GRIK4: variants seen among roughly 807,000 people sequenced by gnomAD.
The protein encoded by GRIK4 is glutamate receptor ionotropic, kainate 4.
A neutral mutation model predicts 104.9 loss-of-function variants in GRIK4; 40 were observed. That is an observed-to-expected ratio of 0.38 (90% CI 0.30 to 0.50). The LOEUF is 0.50. Ranked by LOEUF, GRIK4 falls within the 20% of genes least tolerant of loss-of-function variation. The pLI is 0.93. For missense variants in GRIK4, 1,047 were observed against 1,308.1 expected, an observed-to-expected ratio of 0.80 and a Z score of 3.08; for synonymous variants, 485 against 524.9, an observed-to-expected ratio of 0.92 and a Z score of 1.04.
chr11:120,565,180 G>T (rs1480653693), intron 1 of GRIK4, among the ~76,000 whole-genome samples: 1 of 152,008 alleles, frequency 6.6e-6, no homozygotes, highest in Non-Finnish European at 1.5e-5. Context: ...CTGCCAGCGC[G>T]CCCAGCTGTC....
At chr11:120,827,391 G>C (rs902054054) in intron 6 of GRIK4, among the ~76,000 whole-genome samples, 1 of 152,170 alleles carries the variant, frequency 6.6e-6, no homozygotes, top group African/African-American at 2.4e-5. Context: ...GCTGCATCCT[G>C]AGCAAGGCTA....
chr11:120,790,946 G>C (rs1000184488), intron 3 of GRIK4, among the ~76,000 whole-genome samples: 1 of 152,178 alleles, frequency 6.6e-6, no homozygotes, highest in African/African-American at 2.4e-5. Flanking sequence ...TCAATAAAAA[G>C]ATAATGGGTT....
At chr11:120,612,499 C>CA (rs11333522) in intron 1 of GRIK4, among the ~76,000 whole-genome samples, 6,965 of 147,398 alleles carry the variant, frequency 0.047, 454 homozygotes, top group East Asian at 0.21. Context: ...ACTTTTGAGG[C>CA]AAAAAAAAAA....
chr11:120,653,410 G>A (rs1298224035), intron 1 of GRIK4, among the ~76,000 whole-genome samples: 1 of 152,222 alleles, frequency 6.6e-6, no homozygotes, highest in Non-Finnish European at 1.5e-5. Context: ...TGGTTAAGCA[G>A]AGGTGAGAAC....
At chr11:120,697,112 A>G (rs1950462306) in intron 3 of GRIK4, among the ~76,000 whole-genome samples, 1 of 151,924 alleles carries the variant, frequency 6.6e-6, no homozygotes, top group African/African-American at 2.4e-5. Context: ...TGACGGTATC[A>G]CTCCAGTTCC....
chr11:120,716,358 C>A (rs1032788180), intron 3 of GRIK4, among the ~76,000 whole-genome samples: 2 of 152,164 alleles, frequency 1.3e-5, no homozygotes, highest in Admixed American at 6.5e-5. Context: ...ATCCTCCCCC[C>A]TCAGCCTCCC....
chr11:120,801,971 A>G (rs908587667), intron 3 of GRIK4, among the ~76,000 whole-genome samples: 10 of 152,250 alleles, frequency 6.6e-5, no homozygotes, highest in Non-Finnish European at 1.5e-4. Flanking sequence ...CACTGCTCCC[A>G]GAAGTTGGGC....
intron 14 of GRIK4, among the ~76,000 whole-genome samples, chr11:120,947,921 G>A (rs542843565): frequency 6.6e-6 from 1 of 152,192 alleles, no homozygotes; most frequent in Non-Finnish European, 1.5e-5. Context: ...CAGCCAGTAA[G>A]TGAAAATAGA....
chr11:120,942,343 G>A (rs947844576), intron 14 of GRIK4, among the ~76,000 whole-genome samples: 3 of 152,164 alleles, frequency 2.0e-5, no homozygotes, highest in Non-Finnish European at 2.9e-5. Flanking sequence ...CACCATTTCT[G>A]GAGCTCCCCT....
At chr11:120,716,077 AG>A (rs1362512638) in intron 3 of GRIK4, among the ~76,000 whole-genome samples, 5 of 152,008 alleles carry the variant, frequency 3.3e-5, no homozygotes, top group African/African-American at 1.2e-4. Context: ...AAATGCAGGG[AG>A]GGTACGGAGC....
At chr11:120,741,523 C>T (rs1052378091) in intron 3 of GRIK4, among the ~76,000 whole-genome samples, 1 of 152,084 alleles carries the variant, frequency 6.6e-6, no homozygotes, top group African/African-American at 2.4e-5. Flanking sequence ...CGTGATCCGC[C>T]CGCCTCAGCC....
chr11:120,874,629 G>A (rs1954724061), intron 10 of GRIK4, among the ~76,000 whole-genome samples: 1 of 152,294 alleles, frequency 6.6e-6, no homozygotes, highest in Admixed American at 6.5e-5. Flanking sequence ...GTTTCCCATT[G>A]TTGTCCTCCC....
intron 8 of GRIK4, among the ~76,000 whole-genome samples, chr11:120,856,022 G>A (rs1451247628): frequency 6.6e-6 from 1 of 152,258 alleles, no homozygotes; most frequent in African/African-American, 2.4e-5. Flanking sequence ...AAAGGAAGGA[G>A]ATTGGGGCAG....
intron 1 of GRIK4, among the ~76,000 whole-genome samples, chr11:120,554,264 G>A (rs1462041301): frequency 1.3e-5 from 2 of 152,222 alleles, no homozygotes; most frequent in Non-Finnish European, 2.9e-5. Context: ...TGGCAGACAA[G>A]GTTTATGTTC....
intron 2 of GRIK4, among the ~76,000 whole-genome samples, chr11:120,654,025 A>G (rs751223516): frequency 1.3e-5 from 2 of 152,216 alleles, no homozygotes; most frequent in Non-Finnish European, 2.9e-5. Flanking sequence ...TCTGTCTTCC[A>G]AACTACCTAA....
At chr11:120,811,119 G>A (rs934249998) in intron 4 of GRIK4, among the ~76,000 whole-genome samples, 3 of 152,202 alleles carry the variant, frequency 2.0e-5, no homozygotes, top group Non-Finnish European at 4.4e-5. Context: ...TTCTAGGTGA[G>A]CTGGCATGCA....
Position 120,939,610 on chromosome 11 carries a change from A to G in GRIK4, c.1477-737A>G, listed in dbSNP as rs1274254469. 6.6e-6 allele frequency among the ~76,000 whole-genome samples: 1 copy of G among 152,232 alleles called. No homozygotes were observed. The highest frequency in any genetic ancestry group is 1.5e-5 in the Non-Finnish European group (1 of 68,034). On this transcript the variant is annotated intron_variant, in intron 13 of 20. Transcript: ENST00000527524. This position sits in a 1 kb window ranked among gnomAD's most constrained non-coding sequence, Gnocchi z 5.6. The stretch of plus-strand genomic sequence containing the variant: ...TTCCAGCATTTTTACTTTTCATTGT[A>G]GCCCCTTCAGCAAAGTTTCTTACAC...
chr11:120,694,524 CACCCCCCA>C (rs1950411104), intron 3 of GRIK4, among the ~76,000 whole-genome samples: 1 of 152,196 alleles, frequency 6.6e-6, no homozygotes. Context: ...TTTCCCCACC[CACCCCCCA>C]ACCCAACCTC....
chr11:120,978,932 A>G (rs1173701138), intron 19 of GRIK4, among the ~76,000 whole-genome samples: 3 of 152,216 alleles, frequency 2.0e-5, no homozygotes, highest in Non-Finnish European at 4.4e-5. Flanking sequence ...GGACTAGAAA[A>G]TTTCCATTAG....
Sources: gnomAD v4.1 joint callset for allele counts (sites outside exome capture counted in the v4.1 genomes callset) on GRCh38, gnomAD v4.1.1 for gene constraint, Gnocchi (gnomAD v3.1) non-coding constraint, MANE v1.5 for transcripts, NCBI Gene and HGNC (gene_info 2026-07-23, HGNC 2026-07-21) for gene names.